GORASP2: variants seen among roughly 807,000 people sequenced by gnomAD.
GORASP2 encodes the protein golgi reassembly stacking protein 2.
In GORASP2, 22 loss-of-function variants were observed where a neutral mutation model predicts 45.7. The ratio of observed to expected loss-of-function variants is 0.48; its 90% CI spans 0.34 to 0.69. The LOEUF is 0.69. GORASP2 is among the 30% of genes least tolerant of loss of function. GORASP2 has a pLI of 0.01. For missense variants in GORASP2, 491 were observed against 562.7 expected, an observed-to-expected ratio of 0.87 and a Z score of 1.29; for synonymous variants, 221 against 215.6, an observed-to-expected ratio of 1.02 and a Z score of -0.22.
At chr2:170,960,861 AT>A (rs925440903) in intron 7 of GORASP2, among the ~76,000 whole-genome samples, 26 of 152,242 alleles carry the variant, frequency 1.7e-4, no homozygotes, top group Admixed American at 1.5e-3. Context: ...TTTAGGCACA[AT>A]TTATTCCCGC....
Position 170,933,214 on chromosome 2 carries a change from C to T in GORASP2, c.63+3811C>T, listed in dbSNP as rs189837346. 5.7e-3 allele frequency among the ~76,000 whole-genome samples: 867 copies of T among 152,102 alleles called. 9 individuals are homozygous for T. Among genetic ancestry groups the T allele is most frequent in the African/African-American group, 0.019 (801 of 41,498 alleles). On this transcript the variant is annotated intron_variant, in intron 1 of 9. Transcript: ENST00000234160. The stretch of plus-strand genomic sequence containing the variant: ...TTTTAAAAAATAGCATTTCAGATTT[C>T]CTTATATAGTGGGTCAGATTTGTGC...
chr2:170,929,358 C>T lies in GORASP2; in HGVS notation c.18C>T (p.Ser6=). ...CCGCCGCCATGGGCTCCTCGCAAAG[C>T]GTCGAGATCCCGGGCGGGGGCACCG... MGSSQ[S]VEIPGGGTEG... is the part of the protein sequence containing the mutation. Residue 6 remains serine (S), a synonymous_variant, in exon 1 of 10, where the codon AGC becomes AGT. Transcript: ENST00000234160. The T allele has an allele frequency of 7.1e-7, 1 of 1,400,180 alleles. No individual in the cohort carries two copies. Among genetic ancestry groups the T allele is most frequent in the Non-Finnish European group, 9.3e-7 (1 of 1,075,932 alleles). 86.7% of individuals were successfully genotyped at this position (1,400,180 alleles called of 1,614,324 possible). A position where few individuals can be genotyped will look rare whatever the true frequency, so the allele number is the denominator to read the frequency against.
chr2:170,929,274 A>G lies in GORASP2; in HGVS notation c.-67A>G. The G allele has an allele frequency of 8.1e-7, 1 of 1,231,218 alleles. No individual in the cohort carries two copies. The highest frequency in any genetic ancestry group is 1.0e-6 in the Non-Finnish European group (1 of 953,878). 76.3% of individuals were successfully genotyped at this position (1,231,218 alleles called of 1,614,324 possible). A position where few individuals can be genotyped will look rare whatever the true frequency, so the allele number is the denominator to read the frequency against. ...TCCCAAGTGCTACGCGGAGGATTAGAGCAGGCGGTGCGCTGGGGGCGGGAG... is the reference window on the plus strand; with the variant it reads ...TCCCAAGTGCTACGCGGAGGATTAGGGCAGGCGGTGCGCTGGGGGCGGGAG... On this transcript the variant is annotated 5_prime_UTR_variant, in exon 1 of 10. Transcript: ENST00000234160.
intron 7 of GORASP2, among the ~76,000 whole-genome samples, chr2:170,957,748 C>T (rs968648868): frequency 2.6e-5 from 4 of 152,090 alleles, no homozygotes; most frequent in East Asian, 1.9e-4. Flanking sequence ...GTTGTACAAC[C>T]AATAACCTCA....
rs1171042215 is a variant in GORASP2, at chr2:170,962,869, A to G, written c.941A>G (p.Asn314Ser). Residue 314 changes from asparagine to serine, a missense_variant, in exon 9 of 10, where the codon AAC becomes AGC. Coordinates refer to ENST00000234160, the MANE Select transcript of GORASP2 (RefSeq NM_015530.5). Reference sequence around the variant, plus strand: ...ATGCCTTTACCAGCAGGACTGCCCAACCTCCCCAACCTCAACCTCAACCTC... The same window carrying G: ...ATGCCTTTACCAGCAGGACTGCCCAGCCTCCCCAACCTCAACCTCAACCTC... ...GLMPLPAGLP[N>S]LPNLNLNLPA... is the part of the protein sequence containing the mutation. 1 of 1,613,610 alleles carries G rather than the reference A, an allele frequency of 6.2e-7. No homozygotes were observed. The highest frequency in any genetic ancestry group is 8.5e-7 in the Non-Finnish European group (1 of 1,179,862).
chr2:170,931,987 A>G (rs1575466153), intron 1 of GORASP2, among the ~76,000 whole-genome samples: 1 of 152,300 alleles, frequency 6.6e-6, no homozygotes, highest in African/African-American at 2.4e-5. Flanking sequence ...CCACTTTGGG[A>G]GGCCGAGGTG....
chr2:170,942,876 C>G (rs572317336), intron 1 of GORASP2, among the ~76,000 whole-genome samples: 6 of 152,160 alleles, frequency 3.9e-5, no homozygotes, highest in South Asian at 2.1e-4. Flanking sequence ...GCTTGTTACT[C>G]TCTTTTTAAT....
At position 170,931,990 on chromosome 2, in the gene GORASP2, C is replaced by G. The variant is rs757322289; in HGVS notation, c.63+2587C>G. ...CACCTGTAATCCCCACTTTGGGAGG[C>G]CGAGGTGGGCGGATCACCTGAGGTC... On this transcript the variant is annotated intron_variant, in intron 1 of 9. Coordinates refer to ENST00000234160, the MANE Select transcript of GORASP2 (RefSeq NM_015530.5). Among the ~76,000 whole-genome samples, 92 of 152,200 alleles carry G rather than the reference C, an allele frequency of 6.0e-4. 1 individual carries two copies. The highest frequency in any genetic ancestry group is 1.9e-4 in the Non-Finnish European group (13 of 68,032).
At chr2:170,954,578 C>A (rs560260985) in intron 5 of GORASP2, 72 bp from the exon 6 acceptor site, 3 of 1,318,990 alleles carry the variant, frequency 2.3e-6, no homozygotes, top group Non-Finnish European at 2.1e-6. Context: ...TACCCGCCCC[C>A]CCCAAAAAAA....
chr2:170,953,485 G>C (rs1704349767), intron 5 of GORASP2, among the ~76,000 whole-genome samples: 1 of 152,200 alleles, frequency 6.6e-6, no homozygotes. Context: ...AGGTATTCAT[G>C]CATGGCCTAC....
chr2:170,937,584 G>C (rs369141210), intron 1 of GORASP2, among the ~76,000 whole-genome samples: 3 of 152,128 alleles, frequency 2.0e-5, no homozygotes, highest in East Asian at 3.8e-4. Flanking sequence ...TGGAAGGATT[G>C]CTTGAGCCCA....
chr2:170,951,268 G>T, intron 4 of GORASP2, 60 bp from the exon 5 acceptor site: 2 of 1,404,324 alleles, frequency 1.4e-6, no homozygotes, highest in South Asian at 1.4e-5. Flanking sequence ...AGCCAGGTTT[G>T]AGACACACTG....
chr2:170,960,729 G>T (rs898369935), intron 7 of GORASP2, among the ~76,000 whole-genome samples: 1 of 152,204 alleles, frequency 6.6e-6, no homozygotes, highest in African/African-American at 2.4e-5. Flanking sequence ...TGCAGTCTGG[G>T]ATCCAGTAGA....
At chr2:170,935,515 A>T in intron 1 of GORASP2, among the ~76,000 whole-genome samples, 1 of 151,568 alleles carries the variant, frequency 6.6e-6, no homozygotes. Flanking sequence ...TCAGCCTCCC[A>T]AAGTGTAGGG....
intron 4 of GORASP2, among the ~76,000 whole-genome samples, chr2:170,951,092 AC>A (rs1442707322): frequency 6.6e-6 from 1 of 151,792 alleles, no homozygotes; most frequent in African/African-American, 2.4e-5. Context: ...AAAGAATTGT[AC>A]TAAGAGTGCC....
chr2:170,963,977 T>TA (rs943990497), intron 9 of GORASP2, among the ~76,000 whole-genome samples: 8 of 152,068 alleles, frequency 5.3e-5, no homozygotes, highest in African/African-American at 1.7e-4. Flanking sequence ...AAAATACATA[T>TA]AAAAAAACAA....
intron 2 of GORASP2, chr2:170,948,711 G>C (rs1704232262): frequency 5.0e-6 from 1 of 201,086 alleles, no homozygotes; most frequent in South Asian, 1.5e-4. Flanking sequence ...GTAAAAGATT[G>C]CTTTTTAAAG....
At chr2:170,935,533 G>T (rs550045309) in intron 1 of GORASP2, among the ~76,000 whole-genome samples, 1 of 151,376 alleles carries the variant, frequency 6.6e-6, no homozygotes, top group Non-Finnish European at 1.5e-5. Context: ...GGGATTTCAG[G>T]TGGGAGCCAC....
chr2:170,963,462 C>CCTT (rs1704615879), intron 9 of GORASP2, among the ~76,000 whole-genome samples: 1 of 139,666 alleles, frequency 7.2e-6, no homozygotes, highest in African/African-American at 2.8e-5. Context: ...TCCTCCTCCT[C>CCTT]CTCCTCCTCC....
Sources: gnomAD v4.1 joint callset for allele counts (sites outside exome capture counted in the v4.1 genomes callset) on GRCh38, gnomAD v4.1.1 for gene constraint, MANE v1.5 for transcripts, NCBI Gene and HGNC (gene_info 2026-07-23, HGNC 2026-07-21) for gene names.